TMPRSS15: variants seen among roughly 807,000 people sequenced by gnomAD.
TMPRSS15 encodes the protein transmembrane serine protease 15.
Under a neutral mutation model 125.3 loss-of-function variants are expected in TMPRSS15, and 128 were observed. The observed-to-expected ratio is 1.02, with a 90% CI of 0.89 to 1.18. The LOEUF (loss-of-function observed/expected upper bound fraction) is 1.18, where lower values mean the gene tolerates loss of function less well. TMPRSS15 is among the 50% of genes most tolerant of loss of function. The pLI is 0.00. For missense variants in TMPRSS15, 1,283 were observed against 1,212.7 expected (o/e 1.06, Z -0.86); for synonymous variants, 446 against 423.2 (o/e 1.05, Z -0.66).
intron 8 of TMPRSS15, among the ~76,000 whole-genome samples, chr21:18,355,009 G>C (rs1569028993): frequency 6.6e-6 from 1 of 151,776 alleles, no homozygotes; most frequent in Admixed American, 6.6e-5. Flanking sequence ...TAATAGAAAG[G>C]ACATCATGAA....
At chr21:18,341,671 T>C in intron 12 of TMPRSS15, 123 bp from the exon 13 acceptor site, 1 of 1,073,644 alleles carries the variant, frequency 9.3e-7, no homozygotes, top group East Asian at 2.4e-5. Flanking sequence ...CCTTGAACTA[T>C]ATGGTGACCG....
chr21:18,379,266 A>ATAT lies in TMPRSS15; in HGVS notation c.532+14_532+16dup, dbSNP rs1569043985. ...AACTTTCTTTCAAAAAATAATAATA[A>ATAT]TATTATTAAAACTGACCTGGAGTTG... On this transcript the variant is annotated intron_variant, in intron 5 of 24. Transcript: ENST00000284885. 8.0e-7 allele frequency: 1 copy of ATAT among 1,248,758 alleles called. No homozygotes were observed. Among genetic ancestry groups the ATAT allele is most frequent in the Non-Finnish European group, 1.0e-6 (1 of 954,052 alleles). 77.4% of individuals were successfully genotyped at this position (1,248,758 alleles called of 1,614,324 possible). A position where few individuals can be genotyped will look rare whatever the true frequency, so the allele number is the denominator to read the frequency against.
At chr21:18,390,362 A>C (rs1168572696) in intron 3 of TMPRSS15, among the ~76,000 whole-genome samples, 2 of 152,368 alleles carry the variant, frequency 1.3e-5, no homozygotes, top group Non-Finnish European at 1.5e-5. Context: ...TCTCTAACAT[A>C]ATATTAATAG....
At chr21:18,327,537 G>A (rs529072316) in intron 15 of TMPRSS15, among the ~76,000 whole-genome samples, 2 of 152,178 alleles carry the variant, frequency 1.3e-5, no homozygotes, top group Admixed American at 6.5e-5. Context: ...TTCTACATAA[G>A]GGTTGACTGA....
chr21:18,297,930 T>C (rs1475566231), intron 18 of TMPRSS15, 101 bp from the exon 19 acceptor site: 3 of 852,104 alleles, frequency 3.5e-6, no homozygotes, highest in Non-Finnish European at 5.6e-6. Context: ...TTAAAACAAA[T>C]TATGGGATAC....
chr21:18,473,875 T>A (rs1978826932), intron 1 of TMPRSS15, among the ~76,000 whole-genome samples: 1 of 152,130 alleles, frequency 6.6e-6, no homozygotes, highest in South Asian at 2.1e-4. Context: ...AACAGGAAAA[T>A]TCACTTTATT....
At chr21:18,373,088 C>T (rs760644030) in intron 5 of TMPRSS15, among the ~76,000 whole-genome samples, 1 of 152,142 alleles carries the variant, frequency 6.6e-6, no homozygotes, top group African/African-American at 2.4e-5. Context: ...CTCTTTAACT[C>T]ATCAGCATTT....
chr21:18,407,246 G>T (rs1226806439), upstream of TMPRSS15, among the ~76,000 whole-genome samples: 1 of 151,952 alleles, frequency 6.6e-6, no homozygotes, highest in Admixed American at 6.6e-5. Context: ...ATACATTAAT[G>T]AACCACATAA....
intron 7 of TMPRSS15, among the ~76,000 whole-genome samples, chr21:18,361,294 G>A (rs1432646599): frequency 1.3e-5 from 2 of 152,074 alleles, no homozygotes; most frequent in Non-Finnish European, 2.9e-5. Context: ...TAAGTACCAA[G>A]TTTCTCTGAA....
chr21:18,339,046 T>G (rs1217344524), intron 13 of TMPRSS15, among the ~76,000 whole-genome samples: 1 of 152,178 alleles, frequency 6.6e-6, no homozygotes, highest in Non-Finnish European at 1.5e-5. Flanking sequence ...TCTCATGTAT[T>G]ACTTTTAGGG....
At chr21:18,352,143 T>C (rs546305118) in intron 10 of TMPRSS15, among the ~76,000 whole-genome samples, 2 of 152,206 alleles carry the variant, frequency 1.3e-5, no homozygotes, top group Non-Finnish European at 2.9e-5. Flanking sequence ...TTATATTTGG[T>C]ATTATGAATA....
intron 24 of TMPRSS15, among the ~76,000 whole-genome samples, chr21:18,270,683 G>GAT (rs2074544594): frequency 6.6e-6 from 1 of 152,056 alleles, no homozygotes; most frequent in South Asian, 2.1e-4. Flanking sequence ...AATTTTTAGT[G>GAT]ATAATTGCTC....
chr21:18,342,052 T>C (rs942875869), intron 12 of TMPRSS15, among the ~76,000 whole-genome samples: 14 of 152,150 alleles, frequency 9.2e-5, no homozygotes, highest in Non-Finnish European at 1.5e-4. Flanking sequence ...CAGGGCCAGC[T>C]GTTACTGGTC....
chr21:18,398,772 G>A (rs2076066440), intron 1 of TMPRSS15, among the ~76,000 whole-genome samples: 1 of 152,044 alleles, frequency 6.6e-6, no homozygotes, highest in African/African-American at 2.4e-5. Context: ...ACACCACTGG[G>A]TTTTGACATA....
chr21:18,314,961 C>A (rs541487674), intron 17 of TMPRSS15, among the ~76,000 whole-genome samples, 185 bp downstream of exon 17: 1 of 152,072 alleles, frequency 6.6e-6, no homozygotes, highest in East Asian at 1.9e-4. Flanking sequence ...CTGAGGCCTG[C>A]GTATTAACTT....
intron 1 of TMPRSS15, among the ~76,000 whole-genome samples, chr21:18,419,920 A>G (rs1241946856): frequency 2.0e-5 from 3 of 152,212 alleles, no homozygotes; most frequent in Admixed American, 6.5e-5. Context: ...TTGCAAAGTG[A>G]AGATATGTGA....
At chr21:18,366,730 T>C (rs892107251) in intron 6 of TMPRSS15, among the ~76,000 whole-genome samples, 2 of 152,142 alleles carry the variant, frequency 1.3e-5, no homozygotes, top group African/African-American at 4.8e-5. Flanking sequence ...TCTTTTTCTC[T>C]GCATAGATTA....
At chr21:18,317,778 CCA>C in intron 16 of TMPRSS15, among the ~76,000 whole-genome samples, 1 of 111,650 alleles carries the variant, frequency 9.0e-6, no homozygotes. Flanking sequence ...CCATCCCATC[CCA>C]TCCCATCCCA....
chr21:18,274,201 T>G (rs2146854390), intron 24 of TMPRSS15, among the ~76,000 whole-genome samples: 1 of 152,306 alleles, frequency 6.6e-6, no homozygotes, highest in Non-Finnish European at 1.5e-5. Flanking sequence ...TGTTAACATT[T>G]TTGAGTAATT....
Sources: allele counts gnomAD v4.1 joint callset (sites outside exome capture counted in the v4.1 genomes callset), GRCh38; gene constraint gnomAD v4.1.1; transcripts MANE v1.5; gene names NCBI Gene and HGNC (gene_info 2026-07-23, HGNC 2026-07-21).